Variants in C8orf34 observed in about 807,000 individuals in gnomAD.
The protein encoded by C8orf34 is uncharacterized protein C8orf34.
In C8orf34, 65 loss-of-function variants were observed where a neutral mutation model predicts 68.3. The ratio of observed to expected loss-of-function variants is 0.95; its 90% CI spans 0.78 to 1.17. The LOEUF is 1.17. Among genes scored for constraint, C8orf34 ranks in the 50% most tolerant of loss-of-function variants. The pLI, the probability that C8orf34 is intolerant of heterozygous loss-of-function variation, is 0.00. For missense variants in C8orf34, 664 were observed against 655.4 expected (o/e 1.01, Z -0.14); for synonymous variants, 244 against 241.2 (o/e 1.01, Z -0.11).
At chr8:68,549,923 C>T (rs549115019) in intron 7 of C8orf34, among the ~76,000 whole-genome samples, 2 of 151,800 alleles carry the variant, frequency 1.3e-5, no homozygotes, top group South Asian at 4.2e-4. Flanking sequence ...TACTTCATCT[C>T]TCTTGATTAG....
chr8:68,672,586 G>A (rs1022841102), intron 8 of C8orf34, among the ~76,000 whole-genome samples: 14 of 152,200 alleles, frequency 9.2e-5, no homozygotes, highest in Non-Finnish European at 1.9e-4. Flanking sequence ...GCCCTAGCTA[G>A]AGGGAAATCA....
chr8:68,416,431 A>G (rs1809667599), intron 1 of C8orf34, among the ~76,000 whole-genome samples: 1 of 152,158 alleles, frequency 6.6e-6, no homozygotes, highest in Admixed American at 6.5e-5. Context: ...AGATCCTGGA[A>G]CAGAAACTGG....
chr8:68,405,549 T>G (rs1340101945), intron 1 of C8orf34, among the ~76,000 whole-genome samples: 1 of 152,190 alleles, frequency 6.6e-6, no homozygotes, highest in East Asian at 1.9e-4. Context: ...ACTGTGTCAC[T>G]TAAGATTTTG....
intron 4 of C8orf34, among the ~76,000 whole-genome samples, chr8:68,481,292 G>A (rs1418373773): frequency 1.3e-5 from 2 of 152,234 alleles, no homozygotes; most frequent in African/African-American, 2.4e-5. Context: ...TTTAGAGGAT[G>A]CATGGAAATG....
intron 10 of C8orf34, among the ~76,000 whole-genome samples, chr8:68,753,229 G>T (rs1444708162): frequency 6.6e-6 from 1 of 152,168 alleles, no homozygotes; most frequent in African/African-American, 2.4e-5. Flanking sequence ...AAATGTGATT[G>T]TGAGTGCTGA....
At chr8:68,816,220 G>A (rs1824814493) in intron 13 of C8orf34, among the ~76,000 whole-genome samples, 1 of 151,690 alleles carries the variant, frequency 6.6e-6, no homozygotes, top group African/African-American at 2.4e-5. Flanking sequence ...TAAGGTGGGA[G>A]GATGGGGATT....
At chr8:68,385,203 G>A (rs539110458) in intron 1 of C8orf34, among the ~76,000 whole-genome samples, 1 of 152,208 alleles carries the variant, frequency 6.6e-6, no homozygotes, top group South Asian at 2.1e-4. Flanking sequence ...ACCTTATGTG[G>A]TAATTTTGTC....
chr8:68,634,547 G>A (rs550726385), intron 7 of C8orf34, among the ~76,000 whole-genome samples: 59 of 152,004 alleles, frequency 3.9e-4, no homozygotes, highest in African/African-American at 1.4e-3. Flanking sequence ...GCATTTTTGG[G>A]GTTTTACTTT....
intron 10 of C8orf34, among the ~76,000 whole-genome samples, chr8:68,763,272 C>T (rs575684378): frequency 2.0e-5 from 3 of 152,308 alleles, no homozygotes; most frequent in South Asian, 4.1e-4. Flanking sequence ...CAGGTAATTT[C>T]ACATCCTTCC....
chr8:68,406,695 C>T (rs1043616224), intron 1 of C8orf34, among the ~76,000 whole-genome samples: 1 of 151,990 alleles, frequency 6.6e-6, no homozygotes, highest in Non-Finnish European at 1.5e-5. Context: ...AGGGTTTCGC[C>T]ATGTTGCCAG....
intron 7 of C8orf34, among the ~76,000 whole-genome samples, chr8:68,574,904 G>A (rs1816857827): frequency 6.6e-6 from 1 of 151,522 alleles, no homozygotes; most frequent in Non-Finnish European, 1.5e-5. Context: ...AAGCAAATAG[G>A]GAGTGTCTAT....
intron 1 of C8orf34, among the ~76,000 whole-genome samples, chr8:68,334,993 A>G (rs1188868535): frequency 6.6e-6 from 1 of 152,046 alleles, no homozygotes; most frequent in Non-Finnish European, 1.5e-5. Context: ...ATTTCACTTT[A>G]TTGACCTCCC....
chr8:68,367,965 A>G (rs1026449075), intron 1 of C8orf34, among the ~76,000 whole-genome samples: 3 of 150,992 alleles, frequency 2.0e-5, no homozygotes, highest in African/African-American at 7.3e-5. Context: ...GAGCTGAAGA[A>G]AGATAAACTG....
intron 8 of C8orf34, among the ~76,000 whole-genome samples, chr8:68,665,697 C>A (rs1348280382): frequency 6.6e-6 from 1 of 152,190 alleles, no homozygotes; most frequent in Non-Finnish European, 1.5e-5. Context: ...GGGCTCCACA[C>A]AGACCTATTT....
chr8:68,608,187 T>C (rs984227630), intron 7 of C8orf34, among the ~76,000 whole-genome samples: 1 of 151,952 alleles, frequency 6.6e-6, no homozygotes, highest in Non-Finnish European at 1.5e-5. Flanking sequence ...GAAAGAAAGA[T>C]GTGTCAAGCA....
intron 12 of C8orf34, among the ~76,000 whole-genome samples, chr8:68,805,574 T>C (rs1824457724): frequency 6.6e-6 from 1 of 152,196 alleles, no homozygotes; most frequent in South Asian, 2.1e-4. Context: ...CTTTTTATTA[T>C]TAGGAGATAT....
upstream of C8orf34, chr8:68,330,812 C>A: frequency 2.0e-6 from 1 of 497,828 alleles, no homozygotes; most frequent in South Asian, 3.2e-5. Flanking sequence ...CACACACGCA[C>A]GCACGCACAC....
intron 7 of C8orf34, chr8:68,535,555 A>G: frequency 4.6e-6 from 4 of 873,338 alleles, no homozygotes; most frequent in Non-Finnish European, 5.5e-6. Flanking sequence ...GTTAGTAATA[A>G]CTATTGACTC....
At chr8:68,792,867 G>A (rs1824050418) in intron 12 of C8orf34, among the ~76,000 whole-genome samples, 1 of 151,910 alleles carries the variant, frequency 6.6e-6, no homozygotes, top group South Asian at 2.1e-4. Flanking sequence ...CATGTGATAT[G>A]TGTGTGTATG....
Sources: gnomAD v4.1 joint callset for allele counts (sites outside exome capture counted in the v4.1 genomes callset) on GRCh38, gnomAD v4.1.1 for gene constraint, MANE v1.5 for transcripts, NCBI Gene and HGNC (gene_info 2026-07-23, HGNC 2026-07-21) for gene names.